The following CNTN4 variants were observed in gnomAD, a reference collection of about 807,000 sequenced individuals.
The protein encoded by CNTN4 is contactin-4.
In CNTN4, 77 loss-of-function variants were observed where a neutral mutation model predicts 122.5. The observed-to-expected ratio is 0.63, with a 90% CI of 0.52 to 0.76. CNTN4 has a LOEUF of 0.76. Among genes scored for constraint, CNTN4 ranks in the 30% least tolerant of loss-of-function variants. The pLI is 0.00. For synonymous variants in CNTN4, 512 were observed against 447.0 expected (o/e 1.15, Z -1.83); for missense variants, 1,256 against 1,259.1 (o/e 1.00, Z 0.04).
At chr3:2,687,535 C>A (rs138921068) in intron 4 of CNTN4, among the ~76,000 whole-genome samples, 2 of 152,062 alleles carry the variant, frequency 1.3e-5, no homozygotes, top group Admixed American at 6.6e-5. Flanking sequence ...TGGTGGCATG[C>A]GCCTGTAGTC....
intron 2 of CNTN4, among the ~76,000 whole-genome samples, chr3:2,299,210 C>T (rs114661012): frequency 4.6e-5 from 7 of 152,250 alleles, no homozygotes; most frequent in African/African-American, 1.7e-4. Context: ...AAATTAAACA[C>T]TTGAGCAGAT....
At chr3:2,859,559 CT>C (rs1256770778) in intron 7 of CNTN4, among the ~76,000 whole-genome samples, 1 of 147,668 alleles carries the variant, frequency 6.8e-6, no homozygotes, top group African/African-American at 2.5e-5. Flanking sequence ...TTTTTAATGA[CT>C]TCTTCCCTTG....
At chr3:2,834,898 CTTTTTTTT>C (rs71058653) in intron 7 of CNTN4, among the ~76,000 whole-genome samples, 8 of 60,450 alleles carry the variant, frequency 1.3e-4, no homozygotes, top group African/African-American at 1.5e-4. Flanking sequence ...TAAAGGCAAC[CTTTTTTTT>C]TTTTTTTTTT....
chr3:2,368,293 A>G (rs1210867906), intron 3 of CNTN4, among the ~76,000 whole-genome samples: 3 of 151,880 alleles, frequency 2.0e-5, no homozygotes, highest in Non-Finnish European at 4.4e-5. Context: ...CGGCCTCCCA[A>G]AGTGCTGGGA....
At position 2,941,316 on chromosome 3, in the gene CNTN4, C is replaced by G. The variant is rs146989378; in HGVS notation, c.1358+15537C>G. Among the ~76,000 whole-genome samples, 1,193 of 152,236 alleles carry G rather than the reference C, an allele frequency of 7.8e-3. 10 individuals are homozygous for G. Among genetic ancestry groups the G allele is most frequent in the Non-Finnish European group, 0.011 (732 of 67,998 alleles). ...CTCTCTCTCCAGGCAATCTCCTCCC[C>G]TCCCATGGCTGTAAACACCATGTGT... On this transcript the variant is annotated intron_variant, in intron 13 of 24. Transcript: ENST00000418658.
At chr3:2,423,144 G>A (rs1575597314) in intron 3 of CNTN4, among the ~76,000 whole-genome samples, 1 of 152,210 alleles carries the variant, frequency 6.6e-6, no homozygotes, top group Non-Finnish European at 1.5e-5. Context: ...ACTCCTAGAA[G>A]TGGTGTTCCT....
intron 2 of CNTN4, among the ~76,000 whole-genome samples, chr3:2,133,133 A>G (rs1374086440): frequency 6.6e-6 from 1 of 152,166 alleles, no homozygotes; most frequent in Admixed American, 6.5e-5. Flanking sequence ...GGAGGAAGCA[A>G]CTAAGGGTTG....
At chr3:2,500,356 T>G (rs569790431) in intron 3 of CNTN4, among the ~76,000 whole-genome samples, 7 of 151,312 alleles carry the variant, frequency 4.6e-5, no homozygotes, top group African/African-American at 1.5e-4. Context: ...TGTAGATTTC[T>G]CAAAGTGTTA....
intron 7 of CNTN4, among the ~76,000 whole-genome samples, chr3:2,835,050 G>A (rs976168729): frequency 5.3e-5 from 8 of 151,546 alleles, no homozygotes; most frequent in Non-Finnish European, 7.4e-5. Context: ...GACTACAGGC[G>A]CCCGCCACCA....
chr3:2,699,752 C>A (rs994317931), intron 4 of CNTN4, among the ~76,000 whole-genome samples: 1 of 152,144 alleles, frequency 6.6e-6, no homozygotes, highest in African/African-American at 2.4e-5. Context: ...CTTGAGCAAA[C>A]CTTGGACACT....
chr3:2,675,364 C>A (rs1052981348), intron 4 of CNTN4, among the ~76,000 whole-genome samples: 1 of 152,120 alleles, frequency 6.6e-6, no homozygotes, highest in Non-Finnish European at 1.5e-5. Context: ...CTTTAACATG[C>A]CTGACTCTGT....
At chr3:2,674,688 G>A (rs1233447530) in intron 4 of CNTN4, among the ~76,000 whole-genome samples, 1 of 152,108 alleles carries the variant, frequency 6.6e-6, no homozygotes, top group Non-Finnish European at 1.5e-5. Context: ...AACCCGGGAG[G>A]CGGAGGTTGC....
At position 3,039,016 on chromosome 3, in the gene CNTN4, C is replaced by G; in HGVS notation, c.2163+13C>G. 6.2e-7 allele frequency: 1 copy of G among 1,607,390 alleles called. No individual in the cohort carries two copies. The highest frequency in any genetic ancestry group is 8.5e-7 in the Non-Finnish European group (1 of 1,173,852). Reference sequence around the variant, plus strand: ...TATAACCTGGGAGGTAAATGAATCACAGAATAAAAGGAACGTACACGCATC... The same window carrying G: ...TATAACCTGGGAGGTAAATGAATCAGAGAATAAAAGGAACGTACACGCATC... On this transcript the variant is annotated intron_variant, in intron 19 of 24. Transcript: ENST00000418658.
chr3:2,734,351 G>A (rs932456883), intron 4 of CNTN4, among the ~76,000 whole-genome samples: 1 of 152,142 alleles, frequency 6.6e-6, no homozygotes. Context: ...CTTGAGCCAC[G>A]ATGCCCAGCC....
rs142035029 is a variant in CNTN4 at position 2,619,024 on chromosome 3, T to G, written c.55+47466T>G. On this transcript the variant is annotated intron_variant, in intron 4 of 24. Transcript: ENST00000418658. ...GTTCCTTGACCTTATACCTCTCTGT[T>G]GTGCCTTCATAATAATGAGACAGTA... Among the ~76,000 whole-genome samples, 816 of 152,314 alleles carry G rather than the reference T, an allele frequency of 5.4e-3. 12 individuals carry two copies. Among genetic ancestry groups the G allele is most frequent in the African/African-American group, 0.019 (773 of 41,564 alleles).
intron 7 of CNTN4, among the ~76,000 whole-genome samples, chr3:2,853,376 C>T (rs2093579103): frequency 6.6e-6 from 1 of 152,114 alleles, no homozygotes; most frequent in African/African-American, 2.4e-5. Context: ...TCCCAAGTAG[C>T]TGAGGCTACA....
intron 5 of CNTN4, among the ~76,000 whole-genome samples, chr3:2,743,239 G>C (rs1456472785): frequency 6.6e-6 from 1 of 152,068 alleles, no homozygotes; most frequent in African/African-American, 2.4e-5. Flanking sequence ...TGAAGTAAGA[G>C]TTATGGTCAA....
At chr3:2,318,451 C>A (rs151175695) in intron 2 of CNTN4, among the ~76,000 whole-genome samples, 97 of 152,236 alleles carry the variant, frequency 6.4e-4, no homozygotes, top group African/African-American at 2.1e-3. Flanking sequence ...GGATTCCTTT[C>A]TCTTGAATGA....
At chr3:2,812,757 G>A (rs1404389671) in intron 6 of CNTN4, among the ~76,000 whole-genome samples, 16 of 152,154 alleles carry the variant, frequency 1.1e-4, no homozygotes, top group Non-Finnish European at 1.9e-4. Context: ...TGCTTTACAT[G>A]CATGATCTTA....
Sources: gnomAD v4.1 joint callset for allele counts (sites outside exome capture counted in the v4.1 genomes callset) on GRCh38, gnomAD v4.1.1 for gene constraint, MANE v1.5 for transcripts, NCBI Gene and HGNC (gene_info 2026-07-23, HGNC 2026-07-21) for gene names.